The following NELL1 variants were observed in gnomAD, a reference collection of about 807,000 sequenced individuals.
NELL1 encodes protein kinase C-binding protein NELL1.
A neutral mutation model predicts 107.4 loss-of-function variants in NELL1; 76 were observed. The ratio of observed to expected loss-of-function variants is 0.71; its 90% CI spans 0.59 to 0.86. NELL1 has a LOEUF of 0.86. Among genes scored for constraint, NELL1 ranks in the 40% least tolerant of loss-of-function variants. The pLI, the probability that NELL1 is intolerant of heterozygous loss-of-function variation, is 0.00. For synonymous variants in NELL1, 353 were observed against 341.2 expected (o/e 1.03, Z -0.38); for missense variants, 1,024 against 1,005.5 (o/e 1.02, Z -0.25).
At chr11:21,239,424 C>T (rs1858293158) in intron 14 of NELL1, among the ~76,000 whole-genome samples, 1 of 152,066 alleles carries the variant, frequency 6.6e-6, no homozygotes, top group Admixed American at 6.6e-5. Context: ...CCATATACAT[C>T]TACCCACCCA....
At chr11:21,118,661 G>A (rs763699419) in intron 13 of NELL1, among the ~76,000 whole-genome samples, 27 of 152,102 alleles carry the variant, frequency 1.8e-4, no homozygotes, top group Non-Finnish European at 3.5e-4. Flanking sequence ...ATTTGACTCC[G>A]GATCCTGATA....
intron 3 of NELL1, among the ~76,000 whole-genome samples, chr11:20,808,203 C>T (rs1415654175): frequency 1.3e-5 from 2 of 152,162 alleles, no homozygotes; most frequent in Non-Finnish European, 2.9e-5. Flanking sequence ...ATCCAGGGTC[C>T]GTGGGCTCTT....
intron 12 of NELL1, among the ~76,000 whole-genome samples, chr11:21,011,624 G>A (rs2134287672): frequency 6.6e-6 from 1 of 152,276 alleles, no homozygotes; most frequent in Non-Finnish European, 1.5e-5. Context: ...GCTGGGGAAT[G>A]TCGGCTGATT....
At chr11:21,052,332 G>T (rs1414985028) in intron 12 of NELL1, among the ~76,000 whole-genome samples, 1 of 152,004 alleles carries the variant, frequency 6.6e-6, no homozygotes, top group Non-Finnish European at 1.5e-5. Flanking sequence ...ACAGTCACAT[G>T]ATCTCACTTA....
chr11:20,805,890 C>T (rs1462033691), intron 3 of NELL1, among the ~76,000 whole-genome samples: 2 of 152,182 alleles, frequency 1.3e-5, no homozygotes, highest in Non-Finnish European at 1.5e-5. Flanking sequence ...ACTTTAACTT[C>T]ATCCTCTCAC....
intron 15 of NELL1, among the ~76,000 whole-genome samples, chr11:21,432,940 C>CA (rs1374113623): frequency 6.6e-6 from 1 of 152,088 alleles, no homozygotes; most frequent in Admixed American, 6.5e-5. Flanking sequence ...TACAGTGGTA[C>CA]AACACACTAG....
In NELL1 at chr11:20,674,349, A is replaced by G. The variant is rs1853996260; in HGVS notation, c.56-3583A>G. The G allele has an allele frequency of 2.3e-5, 15 of 644,612 alleles. No individual in the cohort carries two copies. In the South Asian group the frequency reaches 2.8e-4, roughly 12 times the overall value. 39.9% of individuals were successfully genotyped at this position (644,612 alleles called of 1,614,324 possible). A position where few individuals can be genotyped will look rare whatever the true frequency, so the allele number is the denominator to read the frequency against. The stretch of plus-strand genomic sequence containing the variant: ...GGTCTTATTAAAGACAGATGAAACA[A>G]CCCCCAGCTGGGCACCACCTATGTG... On this transcript the variant is annotated intron_variant, in intron 1 of 19. Transcript: ENST00000357134.
At chr11:20,811,444 T>G (rs889260573) in intron 3 of NELL1, among the ~76,000 whole-genome samples, 19 of 152,048 alleles carry the variant, frequency 1.2e-4, no homozygotes, top group African/African-American at 4.3e-4. Context: ...AGGTTCCATA[T>G]TAATTTTAGG....
At chr11:21,449,018 A>ATAT (rs1853514529) in intron 15 of NELL1, among the ~76,000 whole-genome samples, 1 of 152,190 alleles carries the variant, frequency 6.6e-6, no homozygotes, top group Non-Finnish European at 1.5e-5. Flanking sequence ...TGCTACGAGT[A>ATAT]TTAATAACTG....
At chr11:20,965,662 T>C (rs936262398) in intron 12 of NELL1, among the ~76,000 whole-genome samples, 5 of 152,240 alleles carry the variant, frequency 3.3e-5, no homozygotes, top group African/African-American at 1.2e-4. Flanking sequence ...AGTAATTTCA[T>C]GTAACAAAAC....
chr11:21,453,436 A>T (rs748365482), intron 15 of NELL1, among the ~76,000 whole-genome samples: 1 of 152,150 alleles, frequency 6.6e-6, no homozygotes, highest in Non-Finnish European at 1.5e-5. Flanking sequence ...TACTGTATGC[A>T]TGGTATATCT....
At chr11:21,114,148 T>G (rs142545838) in intron 13 of NELL1, among the ~76,000 whole-genome samples, 1 of 152,152 alleles carries the variant, frequency 6.6e-6, no homozygotes, top group Non-Finnish European at 1.5e-5. Flanking sequence ...GGTCAAAGTT[T>G]AGGTATATGG....
chr11:21,066,062 G>T (rs1260863047), intron 12 of NELL1, among the ~76,000 whole-genome samples: 2 of 152,154 alleles, frequency 1.3e-5, no homozygotes, highest in Non-Finnish European at 2.9e-5. Flanking sequence ...AATGAATACG[G>T]TTCATCAGAT....
chr11:21,229,791 G>A (rs560717234), intron 14 of NELL1, among the ~76,000 whole-genome samples: 1 of 152,264 alleles, frequency 6.6e-6, no homozygotes, highest in South Asian at 2.1e-4. Flanking sequence ...AAGGGCAAGT[G>A]GACACTGTTT....
At chr11:21,198,430 G>T (rs1441591086) in intron 13 of NELL1, among the ~76,000 whole-genome samples, 1 of 152,182 alleles carries the variant, frequency 6.6e-6, no homozygotes, top group Non-Finnish European at 1.5e-5. Context: ...ACAGCATAGG[G>T]ACTGGGAGAT....
chr11:21,308,698 A>G (rs1029620053), intron 14 of NELL1, among the ~76,000 whole-genome samples: 23 of 152,008 alleles, frequency 1.5e-4, no homozygotes, highest in African/African-American at 4.3e-4. Context: ...TCAATTCTTC[A>G]ACTTTACTTT....
chr11:20,673,419 A>C (rs1196968648), intron 1 of NELL1, among the ~76,000 whole-genome samples: 1 of 139,590 alleles, frequency 7.2e-6, no homozygotes, highest in Non-Finnish European at 1.5e-5. Context: ...TTTAGTCTGC[A>C]TGGTCCAGAG....
intron 4 of NELL1, among the ~76,000 whole-genome samples, chr11:20,867,539 T>A (rs1849118422): frequency 6.6e-6 from 1 of 152,188 alleles, no homozygotes; most frequent in African/African-American, 2.4e-5. Flanking sequence ...GTGGTGATGT[T>A]TGAAAGAACT....
chr11:21,167,578 G>A (rs1433774817), intron 13 of NELL1, among the ~76,000 whole-genome samples: 1 of 151,852 alleles, frequency 6.6e-6, no homozygotes, highest in Non-Finnish European at 1.5e-5. Flanking sequence ...ATGAGGATCA[G>A]TCATGAGGTT....
Sources: gnomAD v4.1 joint callset for allele counts (sites outside exome capture counted in the v4.1 genomes callset) on GRCh38, gnomAD v4.1.1 for gene constraint, MANE v1.5 for transcripts, NCBI Gene and HGNC (gene_info 2026-07-23, HGNC 2026-07-21) for gene names.